The following C2orf72 variants were observed in gnomAD, a reference collection of about 807,000 sequenced individuals.
The protein encoded by C2orf72 is chromosome 2 open reading frame 72.
In C2orf72, 16 loss-of-function variants were observed where a neutral mutation model predicts 14.4. The observed-to-expected ratio is 1.11, with a 90% confidence interval of 0.75 to 1.69. The LOEUF is 1.69. Among genes scored for constraint, C2orf72 ranks in the 40% most tolerant of loss-of-function variants. The pLI is 0.00. For synonymous variants in C2orf72, 168 were observed against 176.8 expected, an observed-to-expected ratio of 0.95 and a Z score of 0.40; for missense variants, 371 against 358.3, an observed-to-expected ratio of 1.04 and a Z score of -0.29.
intron 2 of C2orf72, among the ~76,000 whole-genome samples, chr2:231,046,539 C>T (rs1271221942): frequency 6.6e-6 from 1 of 152,096 alleles, no homozygotes; most frequent in Non-Finnish European, 1.5e-5. Flanking sequence ...GAGATGGAGT[C>T]GGCTTCAGAG....
intron 1 of C2orf72, among the ~76,000 whole-genome samples, chr2:231,039,756 T>G (rs992462900): frequency 6.6e-6 from 1 of 152,088 alleles, no homozygotes; most frequent in Non-Finnish European, 1.5e-5. Flanking sequence ...CATTTTTTTT[T>G]TTTTTAGATG....
chr2:231,043,050 G>A (rs373391040), intron 2 of C2orf72, among the ~76,000 whole-genome samples: 2 of 152,198 alleles, frequency 1.3e-5, no homozygotes, highest in Non-Finnish European at 2.9e-5. Context: ...CAGCTTCAAA[G>A]GCATTGATTA....
chr2:231,038,287 T>C, intron 1 of C2orf72, 88 bp downstream of exon 1: 1 of 1,029,706 alleles, frequency 9.7e-7, no homozygotes, highest in Admixed American at 5.0e-5. Context: ...ATTCCCTTAT[T>C]GAGCACCGAG....
chr2:231,039,970 T>TG (rs962421402), intron 1 of C2orf72, among the ~76,000 whole-genome samples: 15 of 152,152 alleles, frequency 9.9e-5, no homozygotes, highest in Admixed American at 8.5e-4. Context: ...CTCGAACTCC[T>TG]GACCTCAAGT....
chr2:231,041,438 G>A (rs145003471), intron 2 of C2orf72, 29 bp downstream of exon 2: 89 of 1,500,464 alleles, frequency 5.9e-5, no homozygotes, highest in Admixed American at 2.4e-4. Flanking sequence ...CCTGCATCCT[G>A]AGGGCCAGGT....
rs1693271209 is a variant in C2orf72, at chr2:231,037,691, C to G, written c.126C>G (p.Arg42=). 1.9e-6 allele frequency: 2 copies of G among 1,067,086 alleles called. No individual in the cohort carries two copies. The highest frequency in any genetic ancestry group is 5.5e-5 in the Admixed American group (1 of 18,314). The allele number at this position is 1,067,086 out of a possible 1,614,324, so 66.1% of individuals were successfully genotyped here. A position where few individuals can be genotyped will look rare whatever the true frequency, so the allele number is the denominator to read the frequency against. Residue 42 remains arginine (R), a synonymous_variant, in exon 1 of 3, where the codon CGC becomes CGG. Transcript: ENST00000373640. ...TGCTGGTGGGCGAGCTGTGGGAGCGCGAACAGAGCCGCGCGCTGCTGCGGG... is the reference window on the plus strand; with the variant it reads ...TGCTGGTGGGCGAGCTGTGGGAGCGGGAACAGAGCCGCGCGCTGCTGCGGG... ...QVLLVGELWE[R]EQSRALLRDF...
intron 1 of C2orf72, 45 bp downstream of exon 1, chr2:231,038,244 C>T: frequency 2.6e-6 from 3 of 1,171,664 alleles, no homozygotes; most frequent in African/African-American, 1.6e-5. Flanking sequence ...GGCGGTGGCT[C>T]GGGCACGTCC....
intron 1 of C2orf72, among the ~76,000 whole-genome samples, chr2:231,039,213 A>ATCT (rs1693306354): frequency 6.6e-6 from 1 of 151,582 alleles, no homozygotes; most frequent in Non-Finnish European, 1.5e-5. Flanking sequence ...TAGGAGATAT[A>ATCT]CCTAATGCTA....
chr2:231,037,952 GC>G lies in C2orf72; in HGVS notation c.388del (p.Arg130GlyfsTer96). Reference protein sequence around the residue: ...EPRRRLREMLRDVRGRRRAGA... With the variant: ...EPRRRLREMLXDVRGRRRAGA... ...CGCGGCGCCGCCTGCGGGAGATGCT[GC>G]GGGACGTGCGCGGCCGGCGGCGGGC... On this transcript the variant is annotated frameshift_variant, in exon 1 of 3. Coordinates refer to ENST00000373640, the MANE Select transcript of C2orf72 (RefSeq NM_001144994.2). LOFTEE classifies it high-confidence loss of function. 9.8e-7 allele frequency: 1 copy of G among 1,017,886 alleles called. No individual in the cohort carries two copies. The highest frequency in any genetic ancestry group is 4.4e-5 in the South Asian group (1 of 22,934). 63.1% of individuals were successfully genotyped at this position (1,017,886 alleles called of 1,614,324 possible).
At chr2:231,038,761 G>A (rs1351683786) in intron 1 of C2orf72, among the ~76,000 whole-genome samples, 1 of 152,092 alleles carries the variant, frequency 6.6e-6, no homozygotes, top group Non-Finnish European at 1.5e-5. Context: ...GGGTGCTCGG[G>A]ACTTGACGTG....
At chr2:231,040,196 A>G (rs1223535901) in intron 1 of C2orf72, among the ~76,000 whole-genome samples, 1 of 152,116 alleles carries the variant, frequency 6.6e-6, no homozygotes, top group East Asian at 1.9e-4. Context: ...CCCACTTGCA[A>G]GTTCACTGGC....
In C2orf72 at chr2:231,037,824, A is replaced by AGGGCGGCGAGGGCGGCGG. The variant is rs1437662344; in HGVS notation, c.266_267insGAGGGCGGCGGGGGCGGC (p.Ala89_Gly90insArgAlaAlaGlyAlaAla). 2 of 976,506 alleles carry AGGGCGGCGAGGGCGGCGG rather than the reference A, an allele frequency of 2.0e-6. No individual in the cohort carries two copies. The highest frequency in any genetic ancestry group is 3.7e-5 in the African/African-American group (2 of 54,758). 60.5% of individuals were successfully genotyped at this position (976,506 alleles called of 1,614,324 possible). A position where few individuals can be genotyped will look rare whatever the true frequency, so the allele number is the denominator to read the frequency against. On this transcript the variant is annotated inframe_insertion, in exon 1 of 3. Coordinates refer to ENST00000373640, the MANE Select transcript of C2orf72 (RefSeq NM_001144994.2). ...GGCGCGCGGGGCGCAGAGGGCGGCG[A>AGGGCGGCGAGGGCGGCGG]GGGCGGCTGGGGCGGCGGGGGCGGC... is the stretch of plus-strand genomic sequence containing the variant.
intron 2 of C2orf72, among the ~76,000 whole-genome samples, chr2:231,046,129 A>G (rs918471909): frequency 6.6e-6 from 1 of 152,192 alleles, no homozygotes; most frequent in African/African-American, 2.4e-5. Flanking sequence ...CCTGTCTCAA[A>G]AAACAAAAAG....
In C2orf72 at chr2:231,049,461, G is replaced by C. The variant is rs1693462200; in HGVS notation, c.*2440G>C. On this transcript the variant is annotated 3_prime_UTR_variant, in exon 3 of 3. Transcript: ENST00000373640. ...GGTGCCAGAAAGGACAATCTTGATG[G>C]TGGGTCCCCTCCCTGAAGGACTTTA... 1 of 152,190 alleles carries C rather than the reference G, an allele frequency of 6.6e-6. No individual in the cohort carries two copies. Among genetic ancestry groups the C allele is most frequent in the African/African-American group, 2.4e-5 (1 of 41,444 alleles). 9.4% of individuals were successfully genotyped at this position (152,190 alleles called of 1,614,324 possible). A position where few individuals can be genotyped will look rare whatever the true frequency, so the allele number is the denominator to read the frequency against.
Position 231,038,142 on chromosome 2 carries a change from C to G in C2orf72, c.577C>G (p.Leu193Val), listed in dbSNP as rs1352631059. ...CTGCCCCGGCCTCCCGGCCTCCTGC[C>G]TGGCCGTCCAGGCGGCCGCCTGCAG... Reference protein sequence around the residue: ...AYCPGLPASCLAVQAAACRAL... With the variant: ...AYCPGLPASCVAVQAAACRAL... The change falls in exon 1 of 3, where the codon CTG becomes GTG. Residue 193 changes from leucine (L) to valine (V), a missense_variant. By Grantham distance (32) the Leu-to-Val change is conservative. Transcript: ENST00000373640. 28 of 1,189,118 alleles carry G rather than the reference C, an allele frequency of 2.4e-5. No individual in the cohort carries two copies. Among genetic ancestry groups the G allele is most frequent in the South Asian group, 8.3e-5 (2 of 23,970 alleles). The allele number at this position is 1,189,118 out of a possible 1,614,324, so 73.7% of individuals were successfully genotyped here.
In C2orf72 at chr2:231,042,103, G is replaced by A. The variant is rs146746907; in HGVS notation, c.748+694G>A. Among the ~76,000 whole-genome samples, 517 of 152,146 alleles carry A rather than the reference G, an allele frequency of 3.4e-3. 5 individuals are homozygous for A. The highest frequency in any genetic ancestry group is 0.012 in the African/African-American group (496 of 41,470). On this transcript the variant is annotated intron_variant, in intron 2 of 2. Transcript: ENST00000373640. The stretch of plus-strand genomic sequence containing the variant: ...TCGTGTCCCAGGAGGGATAACAGGC[G>A]GCCTGGGCCCGACCTGGGCAGTGGG...
intron 1 of C2orf72, among the ~76,000 whole-genome samples, chr2:231,038,577 A>G (rs1181410903): frequency 6.6e-6 from 1 of 151,416 alleles, no homozygotes; most frequent in South Asian, 2.1e-4. Flanking sequence ...GGGATGGGAA[A>G]GTTTCAAGGG....
Position 231,047,420 on chromosome 2 carries a change from A to G in C2orf72, c.*399A>G, listed in dbSNP as rs931144272. The G allele has an allele frequency of 3.1e-5, 11 of 355,012 alleles. No individual in the cohort carries two copies. Among genetic ancestry groups the G allele is most frequent in the African/African-American group, 2.1e-4 (10 of 46,934 alleles). 22.0% of individuals were successfully genotyped at this position (355,012 alleles called of 1,614,324 possible). ...CAGCTGGGAAGAACTCTGAACCAGA[A>G]GTCATCAGAGCTGAGGCATGGCCTT... On this transcript the variant is annotated 3_prime_UTR_variant, in exon 3 of 3. Transcript: ENST00000373640.
chr2:231,040,676 G>A (rs1380412107), intron 1 of C2orf72, among the ~76,000 whole-genome samples: 2 of 152,102 alleles, frequency 1.3e-5, no homozygotes, highest in Non-Finnish European at 2.9e-5. Context: ...TCTTATTCTA[G>A]GTTGCTTGCC....
Sources: gnomAD v4.1 joint callset for allele counts (sites outside exome capture counted in the v4.1 genomes callset) on GRCh38, gnomAD v4.1.1 for gene constraint, MANE v1.5 for transcripts, NCBI Gene and HGNC (gene_info 2026-07-23, HGNC 2026-07-21) for gene names.